FHIT: variants seen among roughly 807,000 people sequenced by gnomAD.
FHIT encodes the protein fragile histidine triad diadenosine triphosphatase.
Under a neutral mutation model 17.9 loss-of-function variants are expected in FHIT, and 19 were observed. The observed-to-expected ratio is 1.06, with a 90% CI of 0.74 to 1.56. The LOEUF (loss-of-function observed/expected upper bound fraction) is 1.56. FHIT is among the 40% of genes most tolerant of loss of function. The pLI, the probability that FHIT is intolerant of heterozygous loss-of-function variation, is 0.00. For synonymous variants in FHIT, 81 were observed against 69.7 expected (o/e 1.16, Z -0.81); for missense variants, 248 against 189.2 (o/e 1.31, Z -1.82).
intron 4 of FHIT, among the ~76,000 whole-genome samples, chr3:60,750,671 T>C (rs2042448016): frequency 6.6e-6 from 1 of 152,138 alleles, no homozygotes; most frequent in Admixed American, 6.6e-5. Flanking sequence ...ACCTCTTTCT[T>C]TTGTAAATCA....
chr3:60,544,276 C>G (rs1327320117), intron 4 of FHIT, among the ~76,000 whole-genome samples: 1 of 151,580 alleles, frequency 6.6e-6, no homozygotes. Context: ...ATGATGTCTA[C>G]TCTAGGTTTT....
chr3:60,558,660 G>T (rs1044424190), intron 4 of FHIT, among the ~76,000 whole-genome samples: 1 of 152,052 alleles, frequency 6.6e-6, no homozygotes, highest in African/African-American at 2.4e-5. Flanking sequence ...ACTGCCTGGG[G>T]TCTTCTATAC....
intron 8 of FHIT, among the ~76,000 whole-genome samples, chr3:59,816,206 A>G (rs1302095644): frequency 6.6e-6 from 1 of 152,094 alleles, no homozygotes; most frequent in African/African-American, 2.4e-5. Context: ...CCTCTATGTA[A>G]ATGGGGACAG....
rs149622754 is a variant in FHIT at position 60,877,923 on chromosome 3, G to A, written c.-110-55912C>T. Among the ~76,000 whole-genome samples, 3 of 152,122 alleles carry A rather than the reference G, an allele frequency of 2.0e-5. No homozygotes were observed. In the East Asian group the frequency reaches 5.8e-4, roughly 29 times the overall value. On this transcript the variant is annotated intron_variant, in intron 3 of 9. Coordinates refer to ENST00000492590, the MANE Select transcript of FHIT (RefSeq NM_002012.4). Reference sequence around the variant, plus strand: ...AGGGTACTTGCTGCCACTGCGCCTGGCCACATGGAGTCTGGGATACAGATA... The same window carrying A: ...AGGGTACTTGCTGCCACTGCGCCTGACCACATGGAGTCTGGGATACAGATA...
At chr3:59,943,610 T>C (rs1341076368) in intron 7 of FHIT, among the ~76,000 whole-genome samples, 1 of 152,138 alleles carries the variant, frequency 6.6e-6, no homozygotes, top group African/African-American at 2.4e-5. Flanking sequence ...GGCACCAATA[T>C]TGTCCTATGA....
chr3:60,633,837 C>T (rs371521213), intron 4 of FHIT, among the ~76,000 whole-genome samples: 4 of 152,310 alleles, frequency 2.6e-5, no homozygotes, highest in South Asian at 4.1e-4. Context: ...AGCCACAGAG[C>T]GCCTCTGCGG....
chr3:59,794,306 A>G (rs1229889606), intron 8 of FHIT, among the ~76,000 whole-genome samples: 1 of 152,236 alleles, frequency 6.6e-6, no homozygotes, highest in Admixed American at 6.5e-5. Context: ...AAATGGCACC[A>G]ATTGAAAACG....
intron 4 of FHIT, among the ~76,000 whole-genome samples, chr3:60,731,339 A>C (rs1379447603): frequency 6.6e-6 from 1 of 152,172 alleles, no homozygotes; most frequent in Non-Finnish European, 1.5e-5. Flanking sequence ...GTTTTAGAGC[A>C]GGAGTGAAAG....
chr3:60,312,730 ATTTTT>A (rs1709002243), intron 5 of FHIT, among the ~76,000 whole-genome samples: 1 of 152,108 alleles, frequency 6.6e-6, no homozygotes, highest in Non-Finnish European at 1.5e-5. Flanking sequence ...GACCTACTTT[ATTTTT>A]AACAACGCCT....
At chr3:60,286,658 T>C (rs569908282) in intron 5 of FHIT, among the ~76,000 whole-genome samples, 86 of 152,304 alleles carry the variant, frequency 5.6e-4, no homozygotes, top group Non-Finnish European at 1.1e-3. Flanking sequence ...ATAATGAAAA[T>C]GTTATTTAAA....
chr3:60,816,645 G>A (rs1303478919), intron 4 of FHIT, among the ~76,000 whole-genome samples: 1 of 151,944 alleles, frequency 6.6e-6, no homozygotes, highest in African/African-American at 2.4e-5. Context: ...CTGGTATTAT[G>A]TTCAGGATTT....
chr3:59,907,157 T>C (rs1006412045), intron 8 of FHIT, among the ~76,000 whole-genome samples: 4 of 152,220 alleles, frequency 2.6e-5, no homozygotes, highest in African/African-American at 7.2e-5. Context: ...TGAACCTCGA[T>C]AGGAAGCCTT....
chr3:60,458,951 ATT>A (rs5742127), intron 5 of FHIT, among the ~76,000 whole-genome samples: 74,048 of 147,742 alleles, frequency 0.5, 20,189 homozygotes, highest in African/African-American at 0.73. Flanking sequence ...AATTTGTCTT[ATT>A]TTTTTTTTTT....
chr3:60,966,478 C>T (rs1432095770), intron 3 of FHIT, among the ~76,000 whole-genome samples: 2 of 152,330 alleles, frequency 1.3e-5, no homozygotes, highest in East Asian at 1.9e-4. Flanking sequence ...CCGGGTACCT[C>T]AATTGGAAAT....
intron 2 of FHIT, among the ~76,000 whole-genome samples, chr3:61,131,496 C>T (rs920988189): frequency 5.3e-5 from 8 of 152,352 alleles, no homozygotes; most frequent in East Asian, 1.9e-4. Flanking sequence ...ACTTCCACCA[C>T]TCTTGTATCA....
At chr3:60,327,872 C>A (rs1252821213) in intron 5 of FHIT, among the ~76,000 whole-genome samples, 1 of 151,980 alleles carries the variant, frequency 6.6e-6, no homozygotes, top group African/African-American at 2.4e-5. Flanking sequence ...GAGGGGCTGG[C>A]AGGCGAAGGA....
At chr3:60,519,244 T>C (rs2035270453) in intron 5 of FHIT, among the ~76,000 whole-genome samples, 1 of 151,526 alleles carries the variant, frequency 6.6e-6, no homozygotes, top group African/African-American at 2.4e-5. Context: ...AAATGAAAGG[T>C]TTAAAAATGG....
chr3:60,716,274 C>T (rs972459709), intron 4 of FHIT, among the ~76,000 whole-genome samples: 9 of 152,036 alleles, frequency 5.9e-5, no homozygotes, highest in Non-Finnish European at 1.2e-4. Flanking sequence ...CTCACACACA[C>T]ACACATGCAA....
intron 1 of FHIT, among the ~76,000 whole-genome samples, chr3:61,224,585 T>C (rs1410451292): frequency 6.6e-6 from 1 of 152,144 alleles, no homozygotes; most frequent in African/African-American, 2.4e-5. Context: ...AATTTTTTTA[T>C]TTTTAATAGA....
Sources: gnomAD v4.1 joint callset for allele counts (sites outside exome capture counted in the v4.1 genomes callset) on GRCh38, gnomAD v4.1.1 for gene constraint, MANE v1.5 for transcripts, NCBI Gene and HGNC (gene_info 2026-07-23, HGNC 2026-07-21) for gene names.